The following PEMT variants were observed in gnomAD, a reference collection of about 807,000 sequenced individuals.
PEMT encodes the protein phospholipid methyltransferase.
Under a neutral mutation model 27.4 loss-of-function variants are expected in PEMT, and 23 were observed. That is an observed-to-expected ratio of 0.84 (90% CI 0.60 to 1.19). PEMT has a LOEUF of 1.19. Among genes scored for constraint, PEMT ranks in the 50% most tolerant of loss-of-function variants. The pLI is 0.00. For synonymous variants in PEMT, 137 were observed against 139.1 expected, an observed-to-expected ratio of 0.98 and a Z score of 0.11; for missense variants, 307 against 310.1, an observed-to-expected ratio of 0.99 and a Z score of 0.07.
At chr17:17,529,878 A>T (rs1286268307) in intron 2 of PEMT, among the ~76,000 whole-genome samples, 1 of 152,196 alleles carries the variant, frequency 6.6e-6, no homozygotes, top group Non-Finnish European at 1.5e-5. Flanking sequence ...GGCTGAATGA[A>T]CTGCGCTACA....
At chr17:17,588,965 T>C (rs1246263406) in intron 1 of PEMT, among the ~76,000 whole-genome samples, 2 of 152,226 alleles carry the variant, frequency 1.3e-5, no homozygotes, top group Admixed American at 6.5e-5. Flanking sequence ...TTTGGGTTGT[T>C]TGTTTTTGTT....
chr17:17,554,660 G>A (rs2142662080), intron 2 of PEMT, among the ~76,000 whole-genome samples: 1 of 151,480 alleles, frequency 6.6e-6, no homozygotes, highest in South Asian at 2.1e-4. Flanking sequence ...CTGTCTCCCA[G>A]GCTGGAGTGT....
chr17:17,528,222 C>T (rs754161771), intron 2 of PEMT, among the ~76,000 whole-genome samples: 16 of 152,218 alleles, frequency 1.1e-4, no homozygotes, highest in Non-Finnish European at 2.1e-4. Flanking sequence ...CCTCCCGAAC[C>T]GCCCCCATCT....
At chr17:17,510,179 T>C (rs971052087) in intron 4 of PEMT, among the ~76,000 whole-genome samples, 3 of 152,140 alleles carry the variant, frequency 2.0e-5, no homozygotes, top group East Asian at 3.9e-4. Context: ...AGGGTGACTA[T>C]TGAACAGCCT....
At chr17:17,566,803 C>G (rs1361574723) in intron 2 of PEMT, among the ~76,000 whole-genome samples, 1 of 152,214 alleles carries the variant, frequency 6.6e-6, no homozygotes, top group Non-Finnish European at 1.5e-5. Flanking sequence ...ACGAACCTCA[C>G]CAGCCATGCT....
At chr17:17,537,031 G>A (rs1250901662) in intron 2 of PEMT, among the ~76,000 whole-genome samples, 1 of 152,256 alleles carries the variant, frequency 6.6e-6, no homozygotes, top group East Asian at 1.9e-4. Flanking sequence ...GGGCACGGGA[G>A]GGACAGGGTG....
rs1410974021 is a variant in PEMT at position 17,513,581 on chromosome 17, T to G, written c.321-927A>C. ...CTGGGCAATAGAGCGAGACTTAGTA[T>G]CAAAAGAAAAAAGAAAAAAAGAAAA... On this transcript the variant is annotated intron_variant, in intron 3 of 6. Coordinates refer to ENST00000255389, the MANE Select transcript of PEMT (RefSeq NM_148172.3). This position sits in a 1 kb window ranked among gnomAD's most constrained non-coding sequence, Gnocchi z 4.1. Among the ~76,000 whole-genome samples the G allele has an allele frequency of 1.3e-5, 2 of 151,596 alleles. No homozygotes were observed. Among genetic ancestry groups the G allele is most frequent in the African/African-American group, 4.9e-5 (2 of 41,204 alleles).
At chr17:17,552,783 G>A (rs755111696) in intron 2 of PEMT, among the ~76,000 whole-genome samples, 13 of 151,120 alleles carry the variant, frequency 8.6e-5, no homozygotes, top group East Asian at 2.0e-4. Context: ...ACTGGATCCC[G>A]CACCTGACTT....
At chr17:17,518,586 C>T (rs1429176637) in intron 3 of PEMT, among the ~76,000 whole-genome samples, 2 of 152,200 alleles carry the variant, frequency 1.3e-5, no homozygotes, top group African/African-American at 4.8e-5. Context: ...GACCTGCTAA[C>T]ATAGTGACCT....
chr17:17,540,877 G>A (rs934779370), intron 2 of PEMT, among the ~76,000 whole-genome samples: 1 of 152,214 alleles, frequency 6.6e-6, no homozygotes, highest in African/African-American at 2.4e-5. Flanking sequence ...CATACAACAG[G>A]TACTCAGTAA....
At chr17:17,555,661 T>C (rs1168870173) in intron 2 of PEMT, among the ~76,000 whole-genome samples, 1 of 152,148 alleles carries the variant, frequency 6.6e-6, no homozygotes, top group Non-Finnish European at 1.5e-5. Context: ...TGAAAGCCAA[T>C]TTGGTCACAT....
chr17:17,507,187 C>T (rs70965425), intron 5 of PEMT: 73 of 1,559,272 alleles, frequency 4.7e-5, no homozygotes, highest in African/African-American at 3.0e-4. Context: ...CCACAGCTCC[C>T]GCAGGTGCTG....
At chr17:17,537,202 G>A (rs4646395) in intron 2 of PEMT, among the ~76,000 whole-genome samples, 74,034 of 152,144 alleles carry the variant, frequency 0.49, 18,295 homozygotes, top group Non-Finnish European at 0.54. Context: ...GAAAGAAGGA[G>A]GGAGCCAGCA....
Position 17,591,650 on chromosome 17 carries a change from C to G in PEMT, c.-24G>C, listed in dbSNP as rs552711326. 5 of 1,601,084 alleles carry G rather than the reference C, an allele frequency of 3.1e-6. No individual in the cohort carries two copies. The Admixed American group carries it at 6.8e-5, about 22-fold the overall frequency. Reference sequence around the variant, plus strand: ...ATCCGGGGGCCGCCTCAGGAGGCACCACGCGGGCCCCGCTGCAGCCACGCG... The same window carrying G: ...ATCCGGGGGCCGCCTCAGGAGGCACGACGCGGGCCCCGCTGCAGCCACGCG... On this transcript the variant is annotated 5_prime_UTR_variant, in exon 1 of 7. Transcript: ENST00000255389.
intron 2 of PEMT, among the ~76,000 whole-genome samples, chr17:17,539,328 C>T (rs1260796698): frequency 6.6e-6 from 1 of 152,150 alleles, no homozygotes; most frequent in Non-Finnish European, 1.5e-5. Flanking sequence ...CATCAGGACA[C>T]AGCACTTCCA....
At chr17:17,562,211 T>C (rs1425429220) in intron 2 of PEMT, among the ~76,000 whole-genome samples, 1 of 152,202 alleles carries the variant, frequency 6.6e-6, no homozygotes, top group Admixed American at 6.5e-5. Flanking sequence ...TCAAGTGACT[T>C]CTCGGGCCTT....
At chr17:17,536,133 C>T (rs548463191) in intron 2 of PEMT, among the ~76,000 whole-genome samples, 8 of 152,232 alleles carry the variant, frequency 5.3e-5, no homozygotes, top group South Asian at 2.1e-4. Context: ...TGACGTCAGC[C>T]GACACTGGCA....
At chr17:17,580,803 CA>C (rs1247829327) in intron 1 of PEMT, among the ~76,000 whole-genome samples, 13 of 152,278 alleles carry the variant, frequency 8.5e-5, no homozygotes, top group African/African-American at 3.1e-4. Flanking sequence ...GCCTCTTACA[CA>C]ACCACCTAAT....
At chr17:17,509,115 C>T (rs980311495) in intron 5 of PEMT, among the ~76,000 whole-genome samples, 6 of 152,282 alleles carry the variant, frequency 3.9e-5, no homozygotes, top group East Asian at 1.9e-4. Flanking sequence ...GCGCCAAAGA[C>T]GCGCATCCAT....
Sources: gnomAD v4.1 joint callset for allele counts (sites outside exome capture counted in the v4.1 genomes callset) on GRCh38, gnomAD v4.1.1 for gene constraint, Gnocchi (gnomAD v3.1) non-coding constraint, MANE v1.5 for transcripts, NCBI Gene and HGNC (gene_info 2026-07-23, HGNC 2026-07-21) for gene names.